Variants in KCNIP1 observed in about 807,000 individuals in gnomAD.
KCNIP1 encodes potassium voltage-gated channel interacting protein 1.
A neutral mutation model predicts 33.0 loss-of-function variants in KCNIP1; 18 were observed. The ratio of observed to expected loss-of-function variants is 0.55; its 90% CI spans 0.38 to 0.81. The LOEUF (loss-of-function observed/expected upper bound fraction) is 0.81. KCNIP1 is among the 30% of genes least tolerant of loss of function. The pLI, the probability that KCNIP1 is intolerant of heterozygous loss-of-function variation, is 0.00. For synonymous variants in KCNIP1, 93 were observed against 98.3 expected, an observed-to-expected ratio of 0.95 and a Z score of 0.32; for missense variants, 238 against 271.6, an observed-to-expected ratio of 0.88 and a Z score of 0.87.
At chr5:170,355,039 G>A (rs12518763) in intron 1 of KCNIP1, among the ~76,000 whole-genome samples, 3 of 152,208 alleles carry the variant, frequency 2.0e-5, no homozygotes, top group Non-Finnish European at 4.4e-5. Flanking sequence ...ACATGGCTCA[G>A]GTGCCCGCCA....
At chr5:170,426,586 G>A (rs1410216717) in intron 1 of KCNIP1, among the ~76,000 whole-genome samples, 1 of 152,236 alleles carries the variant, frequency 6.6e-6, no homozygotes, top group African/African-American at 2.4e-5. Flanking sequence ...GCTATCAGCC[G>A]CATCTAGCAC....
intron 1 of KCNIP1, among the ~76,000 whole-genome samples, chr5:170,493,939 C>A (rs1561650617): frequency 6.6e-6 from 1 of 152,228 alleles, no homozygotes; most frequent in Non-Finnish European, 1.5e-5. Flanking sequence ...TCACTGCCTC[C>A]CTGGTGCCAT....
rs145534107 is a variant in KCNIP1, at chr5:170,390,489, C to T, written c.88+36525C>T. The stretch of plus-strand genomic sequence containing the variant: ...CCACTGCACTCTAGCCTGAACAGAG[C>T]GAGACCCCGTCTCAAAAAAAAAAAA... On this transcript the variant is annotated intron_variant, in intron 1 of 7. Coordinates refer to the KCNIP1 transcript ENST00000377360. 2.7e-4 allele frequency among the ~76,000 whole-genome samples: 25 copies of T among 91,418 alleles called. No individual in the cohort carries two copies. The East Asian group carries it at 3.5e-3, about 13-fold the overall frequency. 60.0% of individuals were successfully genotyped at this position (91,418 alleles called of 152,430 possible).
At chr5:170,694,736 C>G (rs11953480) in intron 1 of KCNIP1, among the ~76,000 whole-genome samples, 5,059 of 152,276 alleles carry the variant, frequency 0.033, 100 homozygotes, top group Non-Finnish European at 0.04. Context: ...AATCACAAAG[C>G]ATGCCTGAAA....
At chr5:170,706,168 T>C (rs1763251029) in intron 1 of KCNIP1, among the ~76,000 whole-genome samples, 1 of 152,184 alleles carries the variant, frequency 6.6e-6, no homozygotes, top group African/African-American at 2.4e-5. Flanking sequence ...GATTATTCTG[T>C]ATCAAGCACA....
At position 170,550,395 on chromosome 5, in the gene KCNIP1, C is replaced by G. The variant is rs552324413; in HGVS notation, c.61+45762C>G. Reference sequence around the variant, plus strand: ...ACAATCCCTCTAAAAGTGCCTGATTCATAATCCAGTGAATGTTAACAGGAA... The same window carrying G: ...ACAATCCCTCTAAAAGTGCCTGATTGATAATCCAGTGAATGTTAACAGGAA... On this transcript the variant is annotated intron_variant, in intron 1 of 7. Transcript: ENST00000328939. 2.0e-5 allele frequency among the ~76,000 whole-genome samples: 3 copies of G among 152,268 alleles called. No individual in the cohort carries two copies. The South Asian group carries it at 6.2e-4, about 32-fold the overall frequency.
chr5:170,599,472 C>A (rs985145053), intron 1 of KCNIP1, among the ~76,000 whole-genome samples: 1 of 152,118 alleles, frequency 6.6e-6, no homozygotes, highest in Admixed American at 6.5e-5. Flanking sequence ...CTTACATACC[C>A]TGTGTATCAA....
intron 1 of KCNIP1, among the ~76,000 whole-genome samples, chr5:170,701,850 C>T (rs1388852318): frequency 1.3e-5 from 2 of 152,172 alleles, no homozygotes; most frequent in Non-Finnish European, 2.9e-5. Flanking sequence ...CTCAGGTCCA[C>T]CACCTCTTCA....
chr5:170,594,385 C>T (rs74472081), intron 1 of KCNIP1, among the ~76,000 whole-genome samples: 5,735 of 152,246 alleles, frequency 0.038, 146 homozygotes, highest in Non-Finnish European at 0.051. Flanking sequence ...TTGACTCTTT[C>T]CCCACCAGAA....
At chr5:170,545,679 T>G (rs1189960780) in intron 1 of KCNIP1, among the ~76,000 whole-genome samples, 1 of 152,202 alleles carries the variant, frequency 6.6e-6, no homozygotes, top group Admixed American at 6.5e-5. Context: ...AAGTTTGTAC[T>G]ATTTTATTGA....
At chr5:170,590,645 A>G (rs558321694) in intron 1 of KCNIP1, among the ~76,000 whole-genome samples, 1 of 152,282 alleles carries the variant, frequency 6.6e-6, no homozygotes, top group African/African-American at 2.4e-5. Flanking sequence ...GGGGAGGATT[A>G]ACTATAACTC....
intron 1 of KCNIP1, among the ~76,000 whole-genome samples, chr5:170,448,922 G>C (rs72836250): frequency 9.3e-4 from 142 of 152,284 alleles, no homozygotes; most frequent in Non-Finnish European, 1.7e-3. Context: ...GAACACTGAG[G>C]CTCAGGGAGT....
rs189599839 is a variant in KCNIP1, at chr5:170,666,861, G to A, written c.62-51897G>A. 2.0e-3 allele frequency among the ~76,000 whole-genome samples: 302 copies of A among 152,262 alleles called. 1 individual carries two copies. Among genetic ancestry groups the A allele is most frequent in the African/African-American group, 6.8e-3 (283 of 41,554 alleles). On this transcript the variant is annotated intron_variant, in intron 1 of 7. Transcript: ENST00000328939. Reference sequence around the variant, plus strand: ...CGCAGGCCAAGAGGCCAGGAGCCAGGGTGTGTCCTCCAGCAGACTCTGAGG... The same window carrying A: ...CGCAGGCCAAGAGGCCAGGAGCCAGAGTGTGTCCTCCAGCAGACTCTGAGG...
chr5:170,437,323 CCTT>C (rs1195759272), intron 1 of KCNIP1, among the ~76,000 whole-genome samples: 1 of 152,160 alleles, frequency 6.6e-6, no homozygotes, highest in Non-Finnish European at 1.5e-5. Context: ...GAGCGACCTT[CCTT>C]CTTCTGTGGT....
intron 1 of KCNIP1, among the ~76,000 whole-genome samples, chr5:170,699,909 C>T (rs1268065000): frequency 6.6e-6 from 1 of 152,208 alleles, no homozygotes; most frequent in East Asian, 1.9e-4. Flanking sequence ...CTCCGTGAAG[C>T]CCCAGCAAAC....
chr5:170,570,201 T>C (rs1385092168), intron 1 of KCNIP1, among the ~76,000 whole-genome samples: 4 of 152,168 alleles, frequency 2.6e-5, no homozygotes, highest in African/African-American at 7.2e-5. Context: ...CCTTATAAAA[T>C]CCTTAGGGAA....
At chr5:170,511,112 G>A (rs1561659544) in intron 1 of KCNIP1, among the ~76,000 whole-genome samples, 2 of 152,238 alleles carry the variant, frequency 1.3e-5, no homozygotes, top group Non-Finnish European at 2.9e-5. Context: ...AGGAGGCTGA[G>A]GCAGGAGAAT....
chr5:170,624,695 A>AGAGGG (rs1442544550), intron 1 of KCNIP1, among the ~76,000 whole-genome samples: 4 of 121,508 alleles, frequency 3.3e-5, no homozygotes, highest in Non-Finnish European at 6.7e-5. Flanking sequence ...GGAGGAGAGG[A>AGAGGG]GAGGGGAGGG....
At chr5:170,458,064 C>A (rs1174729512) in intron 1 of KCNIP1, among the ~76,000 whole-genome samples, 1 of 152,156 alleles carries the variant, frequency 6.6e-6, no homozygotes, top group Admixed American at 6.5e-5. Context: ...TGGAAACTCT[C>A]AGCAATAGAA....
Sources: gnomAD v4.1 joint callset for allele counts (sites outside exome capture counted in the v4.1 genomes callset) on GRCh38, gnomAD v4.1.1 for gene constraint, MANE v1.5 for transcripts, NCBI Gene and HGNC (gene_info 2026-07-23, HGNC 2026-07-21) for gene names.